Variants in RORA observed in about 807,000 individuals in gnomAD.
RORA encodes nuclear receptor ROR-alpha.
Under a neutral mutation model 69.5 loss-of-function variants are expected in RORA, and 7 were observed. That is an observed-to-expected ratio of 0.10 (90% confidence interval 0.06 to 0.19). The LOEUF is 0.19. Among genes scored for constraint, RORA ranks in the 10% least tolerant of loss-of-function variants. The pLI is 1.00. For synonymous variants in RORA, 261 were observed against 240.8 expected (o/e 1.08, Z -0.78); for missense variants, 457 against 663.0 (o/e 0.69, Z 3.41).
chr15:60,865,373 T>A (rs988544052), intron 1 of RORA, among the ~76,000 whole-genome samples: 6 of 152,230 alleles, frequency 3.9e-5, no homozygotes, highest in Non-Finnish European at 7.3e-5. Flanking sequence ...AGTAGAAGCA[T>A]ATAGCCCTGG....
chr15:61,143,963 C>T (rs1231451525), intron 1 of RORA, among the ~76,000 whole-genome samples: 1 of 151,988 alleles, frequency 6.6e-6, no homozygotes, highest in Non-Finnish European at 1.5e-5. Context: ...CAAAGAAAAC[C>T]ACAACAAAGT....
At chr15:60,702,319 C>T (rs954281504) in intron 1 of RORA, among the ~76,000 whole-genome samples, 4 of 152,134 alleles carry the variant, frequency 2.6e-5, no homozygotes, top group African/African-American at 9.7e-5. Context: ...TCAACCTCTG[C>T]CTCCTGGGTT....
At chr15:60,975,516 A>G (rs1264666660) in intron 1 of RORA, among the ~76,000 whole-genome samples, 1 of 152,128 alleles carries the variant, frequency 6.6e-6, no homozygotes, top group African/African-American at 2.4e-5. Context: ...ATTGGATCCT[A>G]GAACTCACTC....
In RORA at chr15:60,511,906, A is replaced by G. The variant is rs1714089156; in HGVS notation, c.425-285T>C. 1 of 351,014 alleles carries G rather than the reference A, an allele frequency of 2.8e-6. No homozygotes were observed. The highest frequency in any genetic ancestry group is 2.1e-5 in the African/African-American group (1 of 47,316). 21.7% of individuals were successfully genotyped at this position (351,014 alleles called of 1,614,324 possible). A position where few individuals can be genotyped will look rare whatever the true frequency, so the allele number is the denominator to read the frequency against. ...GCCACTTCTGTTTCCCTGCTGTCAC[A>G]TCCCCCGTTTCCACTGCGCCCCACT... On this transcript the variant is annotated intron_variant, in intron 4 of 10. Transcript: ENST00000335670. The surrounding 1 kb of genome is among the most constrained non-coding windows in gnomAD (Gnocchi z 6.4).
At chr15:60,680,381 A>C (rs1224538944) in intron 1 of RORA, among the ~76,000 whole-genome samples, 1 of 152,214 alleles carries the variant, frequency 6.6e-6, no homozygotes, top group Non-Finnish European at 1.5e-5. Flanking sequence ...GGCCTGATGA[A>C]AATACCACTG....
chr15:61,088,891 C>T (rs2078663669), intron 1 of RORA, among the ~76,000 whole-genome samples: 1 of 152,298 alleles, frequency 6.6e-6, no homozygotes, highest in South Asian at 2.1e-4. Context: ...ATCTCCCAAT[C>T]ACCCATGTCA....
chr15:61,134,268 G>C (rs2079217008), intron 1 of RORA, among the ~76,000 whole-genome samples: 1 of 152,162 alleles, frequency 6.6e-6, no homozygotes, highest in Non-Finnish European at 1.5e-5. Flanking sequence ...ATACACTAAG[G>C]AAAGTTTCCT....
intron 1 of RORA, among the ~76,000 whole-genome samples, chr15:60,768,055 G>T (rs1479113705): frequency 6.6e-6 from 1 of 152,144 alleles, no homozygotes; most frequent in Non-Finnish European, 1.5e-5. Flanking sequence ...ACTTATCAAG[G>T]GCTCCTTGGG....
intron 1 of RORA, among the ~76,000 whole-genome samples, chr15:61,196,963 C>T (rs527372555): frequency 6.6e-6 from 1 of 152,304 alleles, no homozygotes; most frequent in African/African-American, 2.4e-5. Flanking sequence ...AAATTTAACT[C>T]TGCAGGTTTA....
At chr15:60,749,075 G>A (rs537062343) in intron 1 of RORA, among the ~76,000 whole-genome samples, 16 of 152,298 alleles carry the variant, frequency 1.1e-4, no homozygotes, top group East Asian at 1.9e-4. Context: ...TTCAGAAGTC[G>A]TGGGGTGTAG....
intron 2 of RORA, among the ~76,000 whole-genome samples, chr15:60,587,867 T>G (rs2068380815): frequency 3.9e-5 from 6 of 152,224 alleles, no homozygotes. Flanking sequence ...GCTGCTTCCT[T>G]GCATTTTGCC....
chr15:60,847,920 C>T (rs956567503), intron 1 of RORA: 2 of 152,238 alleles, frequency 1.3e-5, no homozygotes, highest in African/African-American at 2.4e-5. Context: ...CATCCATGTA[C>T]AAGTTAGCCC....
At chr15:60,996,416 T>A (rs1187106446) in intron 1 of RORA, among the ~76,000 whole-genome samples, 1 of 152,200 alleles carries the variant, frequency 6.6e-6, no homozygotes, top group Non-Finnish European at 1.5e-5. Context: ...TATACGATTG[T>A]CAAAACTCAC....
intron 1 of RORA, chr15:60,681,467 G>A (rs924693220): frequency 2.6e-5 from 4 of 152,220 alleles, no homozygotes; most frequent in African/African-American, 7.2e-5. Flanking sequence ...GGTGAAAGAT[G>A]TACTCAGATG....
intron 1 of RORA, among the ~76,000 whole-genome samples, chr15:60,707,214 G>A (rs575295943): frequency 1.7e-4 from 26 of 152,142 alleles, no homozygotes; most frequent in East Asian, 5.8e-4. Context: ...TGGCTGTTGC[G>A]AAGAGAAGAA....
chr15:60,993,172 G>A (rs1894433367), intron 1 of RORA, among the ~76,000 whole-genome samples: 2 of 152,158 alleles, frequency 1.3e-5, no homozygotes, highest in South Asian at 4.1e-4. Context: ...GTACCCTGCA[G>A]GTCTCTGAGA....
chr15:60,912,549 T>C (rs1891760927), intron 1 of RORA, among the ~76,000 whole-genome samples: 1 of 151,816 alleles, frequency 6.6e-6, no homozygotes, highest in Non-Finnish European at 1.5e-5. Flanking sequence ...GATCAGGAGA[T>C]CGACACCATC....
chr15:60,920,520 C>T (rs1242447805), intron 1 of RORA, among the ~76,000 whole-genome samples: 1 of 152,152 alleles, frequency 6.6e-6, no homozygotes, highest in Non-Finnish European at 1.5e-5. Flanking sequence ...CCTAAAGTCA[C>T]CAAGCTTTAC....
intron 2 of RORA, among the ~76,000 whole-genome samples, chr15:60,618,375 G>A (rs2069312324): frequency 6.6e-6 from 1 of 152,180 alleles, no homozygotes; most frequent in Non-Finnish European, 1.5e-5. Context: ...AGCAGGTGGT[G>A]ACACAGATCC....
Sources: allele counts gnomAD v4.1 joint callset (sites outside exome capture counted in the v4.1 genomes callset), GRCh38; gene constraint gnomAD v4.1.1; non-coding constraint Gnocchi (gnomAD v3.1); transcripts MANE v1.5; gene names NCBI Gene and HGNC (gene_info 2026-07-23, HGNC 2026-07-21).